Variants in PCDHA7 observed in about 807,000 individuals in gnomAD.
The protein encoded by PCDHA7 is protocadherin alpha 7.
In PCDHA7, 37 loss-of-function variants were observed where a neutral mutation model predicts 57.2. The ratio of observed to expected loss-of-function variants is 0.65; its 90% CI spans 0.50 to 0.85. PCDHA7 has a LOEUF of 0.85. PCDHA7 is among the 40% of genes least tolerant of loss of function. The pLI, the probability that PCDHA7 is intolerant of heterozygous loss-of-function variation, is 0.00. For synonymous variants in PCDHA7, 553 were observed against 558.8 expected, an observed-to-expected ratio of 0.99 and a Z score of 0.15; for missense variants, 1,188 against 1,241.8, an observed-to-expected ratio of 0.96 and a Z score of 0.65.
chr5:140,944,710 T>C (rs564606677), intron 1 of PCDHA7, among the ~76,000 whole-genome samples: 1 of 152,300 alleles, frequency 6.6e-6, no homozygotes, highest in East Asian at 1.9e-4. Flanking sequence ...TCAGGTTATT[T>C]TGCCTTTGAA....
At chr5:140,989,777 A>G (rs1406464822) in intron 3 of PCDHA7, among the ~76,000 whole-genome samples, 2 of 152,230 alleles carry the variant, frequency 1.3e-5, no homozygotes, top group African/African-American at 4.8e-5. Context: ...AGCACTGGCT[A>G]GAGACTAGAG....
At chr5:140,906,443 G>GAAATAA (rs1554192538) in intron 1 of PCDHA7, among the ~76,000 whole-genome samples, 1 of 152,068 alleles carries the variant, frequency 6.6e-6, no homozygotes, top group Non-Finnish European at 1.5e-5. Flanking sequence ...AACAAGAAAG[G>GAAATAA]AAATAAAATG....
At chr5:140,960,162 C>T (rs782387212) in intron 1 of PCDHA7, among the ~76,000 whole-genome samples, 3 of 152,064 alleles carry the variant, frequency 2.0e-5, no homozygotes, top group Non-Finnish European at 4.4e-5. Context: ...ACTGATAATA[C>T]AATTCTTAAG....
intron 1 of PCDHA7, among the ~76,000 whole-genome samples, chr5:140,906,598 C>T (rs1258343234): frequency 6.6e-6 from 1 of 152,238 alleles, no homozygotes; most frequent in African/African-American, 2.4e-5. Flanking sequence ...TCCTCTACTA[C>T]TCATTCTGTA....
chr5:140,936,846 T>C (rs1385625641), intron 1 of PCDHA7, among the ~76,000 whole-genome samples: 1 of 152,206 alleles, frequency 6.6e-6, no homozygotes, highest in Non-Finnish European at 1.5e-5. Context: ...AATTGTAGAT[T>C]CAGCTTCTCA....
chr5:140,854,084 C>G (rs2150307258), intron 1 of PCDHA7: 2 of 266,726 alleles, frequency 7.5e-6, no homozygotes, highest in East Asian at 3.6e-4. Context: ...ATCGCTTGAG[C>G]CTGGGACATT....
chr5:140,959,370 T>C (rs1212787453), intron 1 of PCDHA7, among the ~76,000 whole-genome samples: 1 of 151,796 alleles, frequency 6.6e-6, no homozygotes, highest in African/African-American at 2.4e-5. Flanking sequence ...TGAGACCCTG[T>C]CTCAAAAAAA....
chr5:140,875,363 A>G, intron 1 of PCDHA7: 1 of 1,449,052 alleles, frequency 6.9e-7, no homozygotes, highest in Non-Finnish European at 9.1e-7. Flanking sequence ...GATGCTGGAA[A>G]AAATTTACTA....
In PCDHA7 at chr5:141,010,434, A is replaced by G; in HGVS notation, c.*497A>G. 9.7e-7 allele frequency: 1 copy of G among 1,031,156 alleles called. No homozygotes were observed. Among genetic ancestry groups the G allele is most frequent in the Non-Finnish European group, 1.4e-6 (1 of 732,962 alleles). 63.9% of individuals were successfully genotyped at this position (1,031,156 alleles called of 1,614,324 possible). A position where few individuals can be genotyped will look rare whatever the true frequency, so the allele number is the denominator to read the frequency against. ...TTGGTACAAGGAAGGCAAGAAAACA[A>G]AGACAAATAAACAGCGGAAGTTATC... On this transcript the variant is annotated 3_prime_UTR_variant, in exon 4 of 4. Transcript: ENST00000525929.
Position 140,841,611 on chromosome 5 carries a change from G to A in PCDHA7, c.2355+4873G>A, listed in dbSNP as rs2150319293. ...CGGATCGACCGCGAGGAGCTGTGCG[G>A]GCGGAGCGCGGAGTGCAGCATCCAC... On this transcript the variant is annotated intron_variant, in intron 1 of 3. Transcript: ENST00000525929. 6 of 1,614,136 alleles carry A rather than the reference G, an allele frequency of 3.7e-6. No individual in the cohort carries two copies. The highest frequency in any genetic ancestry group is 4.2e-6 in the Non-Finnish European group (5 of 1,180,014).
At chr5:140,913,896 C>T (rs1440194616) in intron 1 of PCDHA7, among the ~76,000 whole-genome samples, 5 of 152,018 alleles carry the variant, frequency 3.3e-5, no homozygotes, top group African/African-American at 7.2e-5. Context: ...TCCAAAATTC[C>T]CCTTTTTTAT....
At chr5:140,998,721 C>T (rs987484967) in intron 3 of PCDHA7, among the ~76,000 whole-genome samples, 3 of 152,084 alleles carry the variant, frequency 2.0e-5, no homozygotes, top group Non-Finnish European at 2.9e-5. Context: ...TGCACCACCA[C>T]GCTAGGCTAA....
chr5:140,898,156 G>C (rs1176390379), intron 1 of PCDHA7, among the ~76,000 whole-genome samples: 2 of 152,114 alleles, frequency 1.3e-5, no homozygotes, highest in African/African-American at 4.8e-5. Context: ...TCACGCTGAT[G>C]GTGGTTTCTT....
chr5:140,937,260 A>G (rs1427466170), intron 1 of PCDHA7, among the ~76,000 whole-genome samples: 1 of 151,830 alleles, frequency 6.6e-6, no homozygotes, highest in Non-Finnish European at 1.5e-5. Flanking sequence ...GATGGTCTCG[A>G]TCTCCTGACC....
intron 1 of PCDHA7, chr5:140,842,054 T>A (rs1461509081): frequency 6.2e-7 from 1 of 1,613,638 alleles, no homozygotes; most frequent in Non-Finnish European, 8.5e-7. Context: ...TTTCGAACAG[T>A]CTGAATACGA....
chr5:140,906,661 A>C (rs1237437986), intron 1 of PCDHA7, among the ~76,000 whole-genome samples: 1 of 152,176 alleles, frequency 6.6e-6, no homozygotes, highest in African/African-American at 2.4e-5. Flanking sequence ...TTCCTGGTGT[A>C]GTGACCCAAA....
chr5:141,000,415 ATATATATTTTTTT>A (rs1176788591), intron 3 of PCDHA7, among the ~76,000 whole-genome samples: 1 of 87,398 alleles, frequency 1.1e-5, no homozygotes, highest in Non-Finnish European at 2.1e-5. Flanking sequence ...ATATATATAT[ATATATATTTTTTT>A]TTTTTTTTTT....
intron 1 of PCDHA7, chr5:140,863,107 G>A (rs1554157777): frequency 1.7e-6 from 1 of 582,652 alleles, no homozygotes; most frequent in Admixed American, 1.9e-5. Flanking sequence ...TACCCTGGAC[G>A]AGGCGAAAGC....
intron 1 of PCDHA7, chr5:140,966,271 T>C: frequency 2.8e-6 from 1 of 355,706 alleles, no homozygotes; most frequent in Non-Finnish European, 5.0e-6. Flanking sequence ...CTGGATGAAC[T>C]GGACAGTGGG....
Sources: allele counts gnomAD v4.1 joint callset (sites outside exome capture counted in the v4.1 genomes callset), GRCh38; gene constraint gnomAD v4.1.1; transcripts MANE v1.5; gene names NCBI Gene and HGNC (gene_info 2026-07-23, HGNC 2026-07-21).